POLR1C: variants seen among roughly 807,000 people sequenced by gnomAD.
The protein encoded by POLR1C is DNA-directed RNA polymerases I and III subunit RPAC1.
Under a neutral mutation model 38.3 loss-of-function variants are expected in POLR1C, and 42 were observed. The ratio of observed to expected loss-of-function variants is 1.10; its 90% CI spans 0.86 to 1.42. POLR1C has a LOEUF of 1.42. POLR1C is among the 40% of genes most tolerant of loss of function. The pLI is 0.00. For synonymous variants in POLR1C, 163 were observed against 163.9 expected (o/e 0.99, Z 0.04); for missense variants, 507 against 450.5 (o/e 1.13, Z -1.14).
At chr6:43,529,194 GAAGGAGGACATCCTTGT>G in intron 8 of POLR1C, 1 of 1,448,212 alleles carries the variant, frequency 6.9e-7, no homozygotes, top group Non-Finnish European at 9.3e-7. Context: ...AAAAAAATAG[GAAGGAGGACATCCTTGT>G]AACAAACTCT....
intron 10 of POLR1C, chr6:43,553,338 T>A (rs1418068501): frequency 1.1e-5 from 17 of 1,585,710 alleles, no homozygotes; most frequent in Non-Finnish European, 1.4e-5. Context: ...AAGGTCAAAA[T>A]AATCATGCAG....
intron 9 of POLR1C, chr6:43,549,964 A>G: frequency 6.2e-7 from 1 of 1,608,042 alleles, no homozygotes; most frequent in Non-Finnish European, 8.5e-7. Context: ...AAGGTCACTC[A>G]TGTTTATTTG....
chr6:43,531,987 T>C (rs1794017937), downstream of POLR1C, among the ~76,000 whole-genome samples: 1 of 152,242 alleles, frequency 6.6e-6, no homozygotes, highest in South Asian at 2.1e-4. Context: ...AAAAACTGCC[T>C]TAAAATATCT....
intron 10 of POLR1C, chr6:43,558,477 A>C: frequency 6.4e-7 from 1 of 1,567,374 alleles, no homozygotes; most frequent in Middle Eastern, 1.7e-4. Context: ...CTGTTGAGAG[A>C]AATCCAAGGC....
At chr6:43,522,113 C>T (rs552687858), downstream of POLR1C, among the ~76,000 whole-genome samples, 1 of 152,140 alleles carries the variant, frequency 6.6e-6, no homozygotes, top group South Asian at 2.1e-4. Context: ...GGGCCAGGCC[C>T]AGCAGCCACA....
exon 9 of POLR1C, chr6:43,529,379 A>C: frequency 1.0e-5 from 1 of 96,540 alleles, no homozygotes. Flanking sequence ...CGTCTCTACT[A>C]AAAAAAAAAA....
At chr6:43,527,328 G>A (rs746814582) in intron 8 of POLR1C, 188 of 254,506 alleles carry the variant, frequency 7.4e-4, no homozygotes, top group Non-Finnish European at 1.2e-3. Context: ...CTGGAGTGCA[G>A]TGGCGTGATT....
chr6:43,539,719 A>G, intron 9 of POLR1C: 2 of 637,990 alleles, frequency 3.1e-6, no homozygotes, highest in African/African-American at 1.8e-5. Context: ...GTTTTCTCGG[A>G]GAAGAAGCTA....
chr6:43,519,464 G>A (rs1373835701), intron 3 of POLR1C, 24 bp downstream of exon 3: 11 of 1,551,276 alleles, frequency 7.1e-6, no homozygotes, highest in Non-Finnish European at 9.8e-6. Context: ...TGGTGACAAG[G>A]CTGGAGTTGC....
chr6:43,547,345 C>A, intron 9 of POLR1C: 1 of 532,484 alleles, frequency 1.9e-6, no homozygotes, highest in Non-Finnish European at 3.4e-6. Flanking sequence ...CCTACTTCCT[C>A]ATTACACCTT....
chr6:43,546,073 A>C (rs1794951216), intron 9 of POLR1C, among the ~76,000 whole-genome samples: 1 of 152,190 alleles, frequency 6.6e-6, no homozygotes, highest in African/African-American at 2.4e-5. Flanking sequence ...CCAAGGATCT[A>C]GCAAACTCAG....
At chr6:43,554,934 TTCAC>T (rs1761967994) in intron 10 of POLR1C, 2 of 147,988 alleles carry the variant, frequency 1.4e-5, no homozygotes, top group South Asian at 2.1e-4. Context: ...CACTAGTTAA[TTCAC>T]TTTTTTTTTT....
chr6:43,526,117 A>T (rs1793571318), downstream of POLR1C: 1 of 574,838 alleles, frequency 1.7e-6, no homozygotes, highest in South Asian at 2.2e-5. Flanking sequence ...CTCAAGCTGT[A>T]CATGAGGGAA....
chr6:43,535,230 A>C (rs531989204), intron 9 of POLR1C, among the ~76,000 whole-genome samples: 155 of 151,900 alleles, frequency 1.0e-3, no homozygotes, highest in Non-Finnish European at 2.0e-3. Flanking sequence ...ACTGCACTCC[A>C]GCCTGGGCAA....
chr6:43,540,920 T>TA (rs112382275), intron 9 of POLR1C, among the ~76,000 whole-genome samples: 7,845 of 143,918 alleles, frequency 0.055, 410 homozygotes, highest in African/African-American at 0.14. Flanking sequence ...TATTCAGCCA[T>TA]AAAAAAAAAA....
At chr6:43,558,713 T>C in intron 10 of POLR1C, 3 of 682,896 alleles carry the variant, frequency 4.4e-6, no homozygotes, top group Non-Finnish European at 4.8e-6. Context: ...TGAGATATTG[T>C]ATGGTAAATA....
At chr6:43,523,422 G>A (rs76092545), downstream of POLR1C, 5,716 of 299,272 alleles carry the variant, frequency 0.019, 294 homozygotes, top group African/African-American at 0.11. Flanking sequence ...GGGCTCAGTG[G>A]GAGTTGGAGT....
At chr6:43,539,425 G>C (rs1794557908) in intron 9 of POLR1C, 1 of 1,565,216 alleles carries the variant, frequency 6.4e-7, no homozygotes, top group Non-Finnish European at 8.7e-7. Context: ...AAAAGTCAAT[G>C]ATCTCTGATT....
chr6:43,531,243 AAC>A (rs3830212), downstream of POLR1C, among the ~76,000 whole-genome samples: 37,923 of 152,114 alleles, frequency 0.25, 5,644 homozygotes, highest in Non-Finnish European at 0.32. Context: ...ATACACTAGA[AAC>A]ACAGACAAGT....
Sources: gnomAD v4.1 joint callset for allele counts (sites outside exome capture counted in the v4.1 genomes callset) on GRCh38, gnomAD v4.1.1 for gene constraint, MANE v1.5 for transcripts, NCBI Gene and HGNC (gene_info 2026-07-23, HGNC 2026-07-21) for gene names.